AGBL4: variants seen among roughly 807,000 people sequenced by gnomAD.
AGBL4 encodes cytosolic carboxypeptidase 6.
Under a neutral mutation model 66.4 loss-of-function variants are expected in AGBL4, and 58 were observed. The ratio of observed to expected loss-of-function variants is 0.87; its 90% CI spans 0.71 to 1.09. The LOEUF (loss-of-function observed/expected upper bound fraction) is 1.09. AGBL4 is among the 50% of genes least tolerant of loss of function. AGBL4 has a pLI of 0.00. For missense variants in AGBL4, 579 were observed against 631.0 expected, an observed-to-expected ratio of 0.92 and a Z score of 0.88; for synonymous variants, 234 against 222.9, an observed-to-expected ratio of 1.05 and a Z score of -0.44.
intron 5 of AGBL4, among the ~76,000 whole-genome samples, chr1:49,011,102 A>C (rs1467985650): frequency 4.6e-5 from 7 of 150,976 alleles, no homozygotes; most frequent in South Asian, 4.2e-4. Flanking sequence ...CAACCTACAA[A>C]ATGGGAGAAA....
intron 5 of AGBL4, among the ~76,000 whole-genome samples, chr1:48,962,582 G>A (rs1658090454): frequency 6.6e-6 from 1 of 152,080 alleles, no homozygotes; most frequent in Admixed American, 6.5e-5. Context: ...ACAGTTCTTT[G>A]GGACCTGGGG....
intron 4 of AGBL4, among the ~76,000 whole-genome samples, chr1:49,104,022 T>C (rs1645250102): frequency 6.6e-6 from 1 of 152,184 alleles, no homozygotes; most frequent in African/African-American, 2.4e-5. Flanking sequence ...TTCAGCCTAT[T>C]TGGAGGTTCC....
chr1:48,530,816 G>T (rs551647650), downstream of AGBL4, among the ~76,000 whole-genome samples: 2 of 152,274 alleles, frequency 1.3e-5, no homozygotes, highest in Admixed American at 1.3e-4. Context: ...ATAGTTGTCT[G>T]TCTCCTTGGA....
chr1:48,771,548 C>T (rs868818470), intron 6 of AGBL4, among the ~76,000 whole-genome samples: 2 of 152,116 alleles, frequency 1.3e-5, no homozygotes, highest in African/African-American at 4.8e-5. Context: ...CAGTAGAATC[C>T]GCAACAGATG....
intron 4 of AGBL4, among the ~76,000 whole-genome samples, chr1:49,197,000 T>C (rs1647289337): frequency 1.3e-5 from 2 of 152,068 alleles, no homozygotes; most frequent in African/African-American, 2.4e-5. Flanking sequence ...GCATTTTTTT[T>C]GTCTTTTTAG....
intron 3 of AGBL4, among the ~76,000 whole-genome samples, chr1:49,563,848 C>A (rs1644120229): frequency 6.6e-6 from 1 of 152,114 alleles, no homozygotes; most frequent in South Asian, 2.1e-4. Flanking sequence ...AGGATTCCCT[C>A]TTTTTCTATT....
chr1:49,729,529 A>T (rs2124708220), intron 2 of AGBL4, among the ~76,000 whole-genome samples: 1 of 152,304 alleles, frequency 6.6e-6, no homozygotes, highest in African/African-American at 2.4e-5. Context: ...AATTTTTTCA[A>T]CTTTACAATT....
chr1:49,311,500 A>C (rs528473949), intron 3 of AGBL4, among the ~76,000 whole-genome samples: 65 of 152,170 alleles, frequency 4.3e-4, no homozygotes, highest in Non-Finnish European at 5.4e-4. Flanking sequence ...AAACATGATA[A>C]AAATACTTTA....
At chr1:49,902,036 A>G (rs1490579381) in intron 1 of AGBL4, among the ~76,000 whole-genome samples, 2 of 152,344 alleles carry the variant, frequency 1.3e-5, no homozygotes. Flanking sequence ...GCAAAAATTA[A>G]CACAAGATGG....
intron 2 of AGBL4, among the ~76,000 whole-genome samples, chr1:49,718,745 CTTTAT>C (rs1322466906): frequency 1.3e-5 from 2 of 151,922 alleles, no homozygotes; most frequent in Non-Finnish European, 2.9e-5. Context: ...TGCTTTTCTT[CTTTAT>C]TTTGTCTGTA....
intron 3 of AGBL4, among the ~76,000 whole-genome samples, chr1:49,582,195 G>T (rs1644556181): frequency 6.6e-6 from 1 of 152,128 alleles, no homozygotes; most frequent in South Asian, 2.1e-4. Flanking sequence ...GAAGTTGACT[G>T]GGCAAACCTG....
intron 6 of AGBL4, among the ~76,000 whole-genome samples, chr1:48,767,843 A>T (rs552601274): frequency 6.6e-6 from 1 of 152,342 alleles, no homozygotes; most frequent in East Asian, 1.9e-4. Context: ...AGATTTGGGC[A>T]TTATCCTTTT....
intron 6 of AGBL4, among the ~76,000 whole-genome samples, chr1:48,768,052 G>A (rs542951308): frequency 6.6e-6 from 1 of 152,264 alleles, no homozygotes; most frequent in African/African-American, 2.4e-5. Context: ...ATAAATAGCA[G>A]AGCCAACATT....
At chr1:48,591,101 CA>C in intron 9 of AGBL4, 116 bp from the exon 10 acceptor site, 16 of 799,082 alleles carry the variant, frequency 2.0e-5, no homozygotes, top group Non-Finnish European at 2.6e-5. Context: ...CCCCCCCCCA[CA>C]CACACACACA....
Position 48,886,793 on chromosome 1 carries a change from C to T in AGBL4, c.595-19563G>A, listed in dbSNP as rs374326283. 2.0e-3 allele frequency among the ~76,000 whole-genome samples: 307 copies of T among 152,264 alleles called. 1 individual carries two copies. The highest frequency in any genetic ancestry group is 6.8e-3 in the African/African-American group (281 of 41,564). ...GTCTCGATCTCCAGACCTCGTGATC[C>T]GCCCGCCTCGGCCTCCCAAAGTGCT... On this transcript the variant is annotated intron_variant, in intron 5 of 13. Coordinates refer to ENST00000371839, the MANE Select transcript of AGBL4 (RefSeq NM_032785.4).
rs538172478 is a variant in AGBL4 at position 48,549,795 on chromosome 1, T to G, written c.1268-10057A>C. On this transcript the variant is annotated intron_variant, in intron 11 of 13. Coordinates refer to ENST00000371839, the MANE Select transcript of AGBL4 (RefSeq NM_032785.4). ...GAAAGAGGTGTGAGAGAGATATAAATGTAGGCAACAGGAGAAGGGAGGGAG... is the reference window on the plus strand; with the variant it reads ...GAAAGAGGTGTGAGAGAGATATAAAGGTAGGCAACAGGAGAAGGGAGGGAG... Among the ~76,000 whole-genome samples the G allele has an allele frequency of 1.4e-4, 21 of 149,006 alleles. 1 individual carries two copies. In the South Asian group the frequency reaches 4.5e-3, roughly 32 times the overall value.
intron 1 of AGBL4, among the ~76,000 whole-genome samples, chr1:49,979,059 AAGTT>A (rs1336831780): frequency 1.1e-4 from 16 of 152,370 alleles, no homozygotes; most frequent in South Asian, 2.1e-4. Flanking sequence ...AATTAAGAAA[AAGTT>A]AGGTATGCCA....
chr1:49,907,439 A>T (rs546769327), intron 1 of AGBL4, among the ~76,000 whole-genome samples: 1 of 152,280 alleles, frequency 6.6e-6, no homozygotes, highest in Admixed American at 6.5e-5. Context: ...ACATGAACTG[A>T]CAGCTGGTAC....
At chr1:49,667,480 G>A (rs1044760048) in intron 3 of AGBL4, among the ~76,000 whole-genome samples, 4 of 151,804 alleles carry the variant, frequency 2.6e-5, no homozygotes, top group Non-Finnish European at 5.9e-5. Flanking sequence ...AAAAAAGCAT[G>A]TAGATTTATC....
Sources: gnomAD v4.1 joint callset for allele counts (sites outside exome capture counted in the v4.1 genomes callset) on GRCh38, gnomAD v4.1.1 for gene constraint, MANE v1.5 for transcripts, NCBI Gene and HGNC (gene_info 2026-07-23, HGNC 2026-07-21) for gene names.